The following SAP130 variants were observed in gnomAD, a reference collection of about 807,000 sequenced individuals.
The protein encoded by SAP130 is histone deacetylase complex subunit SAP130.
SAP130 carries 16 observed loss-of-function variants against 103.2 expected under a neutral mutation model. The observed-to-expected ratio is 0.16, with a 90% CI of 0.10 to 0.24. SAP130 has a LOEUF of 0.24. Among genes scored for constraint, SAP130 ranks in the 10% least tolerant of loss-of-function variants. The pLI, the probability that SAP130 is intolerant of heterozygous loss-of-function variation, is 1.00. For synonymous variants in SAP130, 477 were observed against 497.0 expected (o/e 0.96, Z 0.53); for missense variants, 990 against 1,359.7 (o/e 0.73, Z 4.28).
In SAP130 at chr2:128,011,426, T is replaced by C. The variant is rs549110496; in HGVS notation, c.745-1033A>G. On this transcript the variant is annotated intron_variant, in intron 6 of 20. Coordinates refer to ENST00000643581, the MANE Select transcript of SAP130 (RefSeq NM_001330301.2). Reference sequence around the variant, plus strand: ...CTTGCTCTTAACCCTGAAACATGCATCTAAATGGCCGAGCTCTGCCCATTC... The same window carrying C: ...CTTGCTCTTAACCCTGAAACATGCACCTAAATGGCCGAGCTCTGCCCATTC... Among the ~76,000 whole-genome samples the C allele has an allele frequency of 4.6e-5, 7 of 152,292 alleles. 1 individual carries two copies. The South Asian group carries it at 1.0e-3, about 23-fold the overall frequency.
At chr2:128,010,228 G>A in intron 7 of SAP130, 41 bp downstream of exon 7, 1 of 1,577,340 alleles carries the variant, frequency 6.3e-7, no homozygotes, top group Non-Finnish European at 8.6e-7. Context: ...TGAAGGAGGA[G>A]GATGGCAGGA....
Position 128,007,429 on chromosome 2 carries a change from T to G in SAP130, c.869+2840A>C, listed in dbSNP as rs371493198. On this transcript the variant is annotated intron_variant, in intron 7 of 20. Coordinates refer to ENST00000643581, the MANE Select transcript of SAP130 (RefSeq NM_001330301.2). ...TTGAGCGTCCTTGGATTTCAGCATC[T>G]GCAGGGGCTCCTGGAGCCAAGACCC... Among the ~76,000 whole-genome samples the G allele has an allele frequency of 5.9e-5, 9 of 152,358 alleles. No individual in the cohort carries two copies. The East Asian group carries it at 1.2e-3, about 20-fold the overall frequency.
intron 7 of SAP130, among the ~76,000 whole-genome samples, chr2:128,005,328 T>C (rs1355346430): frequency 6.6e-6 from 1 of 151,286 alleles, no homozygotes; most frequent in Non-Finnish European, 1.5e-5. Flanking sequence ...TACATAGGAG[T>C]GCAAAAAGAT....
intron 15 of SAP130, among the ~76,000 whole-genome samples, chr2:127,976,453 A>C (rs1281092791): frequency 1.3e-5 from 2 of 152,244 alleles, no homozygotes; most frequent in African/African-American, 4.8e-5. Flanking sequence ...ATAGCCCCAC[A>C]TCCTAAAATA....
In SAP130 at chr2:127,989,164, T is replaced by C. The variant is rs1682606616; in HGVS notation, c.1780+400A>G. Among the ~76,000 whole-genome samples, 1 of 151,748 alleles carries C rather than the reference T, an allele frequency of 6.6e-6. No individual in the cohort carries two copies. The highest frequency in any genetic ancestry group is 2.4e-5 in the African/African-American group (1 of 41,312). ...CCCAGGCTGGAGTGCAGTGGCGTGA[T>C]CTCGGCTCACTGCAAGCTCCACATC... On this transcript the variant is annotated intron_variant, in intron 13 of 20. Transcript: ENST00000643581. The surrounding 1 kb of genome is among the most constrained non-coding windows in gnomAD (Gnocchi z 4.6).
intron 1 of SAP130, chr2:128,027,208 GC>G: frequency 2.5e-6 from 3 of 1,216,192 alleles, no homozygotes; most frequent in Non-Finnish European, 1.0e-6. Context: ...AGGGATCGCG[GC>G]GGCGGCGCCC....
intron 14 of SAP130, among the ~76,000 whole-genome samples, chr2:127,982,444 A>G (rs1014385222): frequency 1.3e-5 from 2 of 152,200 alleles, no homozygotes; most frequent in Non-Finnish European, 2.9e-5. Flanking sequence ...CACCGTAAGT[A>G]TTATAGATGT....
At position 127,996,524 on chromosome 2, in the gene SAP130, T is replaced by C. The variant is rs767827297; in HGVS notation, c.1214-33A>G. 9 of 1,433,406 alleles carry C rather than the reference T, an allele frequency of 6.3e-6. No individual in the cohort carries two copies. Among genetic ancestry groups the C allele is most frequent in the Non-Finnish European group, 8.3e-6 (9 of 1,079,548 alleles). 88.8% of individuals were successfully genotyped at this position (1,433,406 alleles called of 1,614,324 possible). On this transcript the variant is annotated intron_variant, in intron 10 of 20. Coordinates refer to ENST00000643581, the MANE Select transcript of SAP130 (RefSeq NM_001330301.2). This position sits in a 1 kb window ranked among gnomAD's most constrained non-coding sequence, Gnocchi z 4.3. ...CAGTAAATGCCAATTCCATGACCAT[T>C]CTACACTTTTTTTTGGCATGCCAAA... is the stretch of plus-strand genomic sequence containing the variant.
Position 128,017,673 on chromosome 2 carries a change from C to T in SAP130, c.348+7G>A. On this transcript the variant is annotated splice_region_variant and intron_variant, in intron 3 of 20. Transcript: ENST00000643581. ...GTTCAGTGTGAAGTTTTAACCCTCT[C>T]CATTACCTTCATAAGTCCCTCCGAA... The T allele has an allele frequency of 6.2e-7, 1 of 1,613,046 alleles. No individual in the cohort carries two copies. The highest frequency in any genetic ancestry group is 8.5e-7 in the Non-Finnish European group (1 of 1,178,972).
intron 11 of SAP130, among the ~76,000 whole-genome samples, chr2:127,994,949 T>C (rs1355886266): frequency 6.6e-6 from 1 of 152,208 alleles, no homozygotes. Flanking sequence ...ACAAGGGGGA[T>C]GGACATATCA....
Position 127,986,895 on chromosome 2 carries a change from T to C in SAP130, c.1848A>G (p.Pro616=). ...NPISNPFSAA[P]AATTVVQTHS... is the part of the protein sequence containing the mutation. The stretch of plus-strand genomic sequence containing the variant: ...GGGTCTGCACCACGGTTGTTGCTGC[T>C]GGAGCAGCACTGAATGGATTGCTAA... The change falls in exon 14 of 21, where the codon CCA becomes CCG. Residue 616 remains proline, a synonymous_variant. Coordinates refer to ENST00000643581, the MANE Select transcript of SAP130 (RefSeq NM_001330301.2). This position sits in a 1 kb window ranked among gnomAD's most constrained non-coding sequence, Gnocchi z 4.7. The C allele has an allele frequency of 6.2e-7, 1 of 1,614,252 alleles. No individual in the cohort carries two copies. The highest frequency in any genetic ancestry group is 8.5e-7 in the Non-Finnish European group (1 of 1,180,042).
intron 15 of SAP130, among the ~76,000 whole-genome samples, chr2:127,961,089 A>T (rs1680215627): frequency 6.6e-6 from 1 of 150,646 alleles, no homozygotes; most frequent in African/African-American, 2.4e-5. Context: ...TCCCAGACTC[A>T]AGCAATCCTC....
intron 6 of SAP130, 108 bp from the exon 7 acceptor site, chr2:128,010,501 C>A (rs1441328591): frequency 9.3e-7 from 1 of 1,080,700 alleles, no homozygotes; most frequent in African/African-American, 1.6e-5. Flanking sequence ...ATGTTTCTGC[C>A]CAAGTAAAAA....
At chr2:128,022,418 C>T (rs1264666958) in intron 2 of SAP130, among the ~76,000 whole-genome samples, 1 of 152,232 alleles carries the variant, frequency 6.6e-6, no homozygotes, top group Non-Finnish European at 1.5e-5. Context: ...TTTCTACGAA[C>T]ATGTGAATAT....
intron 4 of SAP130, 37 bp downstream of exon 4, chr2:128,016,352 T>G: frequency 6.3e-7 from 1 of 1,595,902 alleles, no homozygotes; most frequent in Non-Finnish European, 8.6e-7. Context: ...GTTTGGCATT[T>G]CAGTTTGAAA....
At chr2:128,025,099 A>C (rs1685418604) in intron 2 of SAP130, among the ~76,000 whole-genome samples, 1 of 152,088 alleles carries the variant, frequency 6.6e-6, no homozygotes. Context: ...AGTGGTGAAG[A>C]AAAAGGAATA....
chr2:127,944,887 G>A, intron 19 of SAP130, among the ~76,000 whole-genome samples: 1 of 127,648 alleles, frequency 7.8e-6, no homozygotes, highest in African/African-American at 3.0e-5. Flanking sequence ...GGGTAACAGA[G>A]CAAGACCTTG....
rs1448205435 is a variant in SAP130, at chr2:128,017,663, T to C, written c.348+17A>G. The C allele has an allele frequency of 3.1e-6, 5 of 1,608,362 alleles. No individual in the cohort carries two copies. Among genetic ancestry groups the C allele is most frequent in the Non-Finnish European group, 4.3e-6 (5 of 1,174,732 alleles). ...TCGAGCTCTGGTTCAGTGTGAAGTT[T>C]TAACCCTCTCCATTACCTTCATAAG... On this transcript the variant is annotated intron_variant, in intron 3 of 20. Coordinates refer to ENST00000643581, the MANE Select transcript of SAP130 (RefSeq NM_001330301.2).
chr2:127,943,541 T>C (rs2104839886), intron 19 of SAP130, among the ~76,000 whole-genome samples: 1 of 152,350 alleles, frequency 6.6e-6, no homozygotes, highest in East Asian at 1.9e-4. Context: ...CTACTGCTCC[T>C]AGGCTACAAA....
Sources: gnomAD v4.1 joint callset for allele counts (sites outside exome capture counted in the v4.1 genomes callset) on GRCh38, gnomAD v4.1.1 for gene constraint, Gnocchi (gnomAD v3.1) non-coding constraint, MANE v1.5 for transcripts, NCBI Gene and HGNC (gene_info 2026-07-23, HGNC 2026-07-21) for gene names.